Variants in ERC2 observed in about 807,000 individuals in gnomAD.
ERC2 encodes the protein ERC protein 2.
ERC2 carries 42 observed loss-of-function variants against 114.8 expected under a neutral mutation model. The ratio of observed to expected loss-of-function variants is 0.37; its 90% CI spans 0.29 to 0.47. The LOEUF (loss-of-function observed/expected upper bound fraction) is 0.47. Among genes scored for constraint, ERC2 ranks in the 20% least tolerant of loss-of-function variants. The pLI is 0.99. For missense variants in ERC2, 939 were observed against 1,150.7 expected, an observed-to-expected ratio of 0.82 and a Z score of 2.66; for synonymous variants, 454 against 425.5, an observed-to-expected ratio of 1.07 and a Z score of -0.82.
chr3:55,990,245 A>T (rs1454874589), intron 11 of ERC2, among the ~76,000 whole-genome samples: 2 of 152,232 alleles, frequency 1.3e-5, no homozygotes, highest in Non-Finnish European at 2.9e-5. Flanking sequence ...CTCAAAAAAA[A>T]ATGAAATCCT....
At chr3:55,589,823 G>C (rs1230983295) in intron 17 of ERC2, among the ~76,000 whole-genome samples, 1 of 152,038 alleles carries the variant, frequency 6.6e-6, no homozygotes, top group African/African-American at 2.4e-5. Flanking sequence ...CACCAGGAAG[G>C]CATTTGGAGC....
chr3:56,272,668 G>A (rs2053730551), intron 3 of ERC2, among the ~76,000 whole-genome samples: 1 of 152,220 alleles, frequency 6.6e-6, no homozygotes, highest in African/African-American at 2.4e-5. Context: ...TATTCAGGAG[G>A]CTGAGGCAGA....
intron 3 of ERC2, among the ~76,000 whole-genome samples, chr3:56,214,669 G>A (rs2049327768): frequency 6.6e-6 from 1 of 151,918 alleles, no homozygotes; most frequent in Non-Finnish European, 1.5e-5. Flanking sequence ...CTCGAGAAGA[G>A]CAACTCCAAG....
chr3:55,513,468 T>G (rs975890022), intron 17 of ERC2, among the ~76,000 whole-genome samples: 9 of 152,152 alleles, frequency 5.9e-5, no homozygotes, highest in African/African-American at 2.2e-4. Context: ...CCCTGTTTAT[T>G]CCTCAGTTTC....
intron 1 of ERC2, among the ~76,000 whole-genome samples, chr3:56,461,394 A>G (rs561486890): frequency 1.3e-4 from 20 of 152,198 alleles, no homozygotes; most frequent in Non-Finnish European, 2.6e-4. Context: ...AGCTGTGTTC[A>G]TTTAGTGACT....
At chr3:55,919,805 C>G (rs1198212856) in intron 13 of ERC2, among the ~76,000 whole-genome samples, 1 of 152,126 alleles carries the variant, frequency 6.6e-6, no homozygotes, top group African/African-American at 2.4e-5. Flanking sequence ...CAGCCAGTGG[C>G]TATCAGGGGA....
chr3:56,456,030 A>G (rs1293991917), intron 1 of ERC2, among the ~76,000 whole-genome samples: 1 of 152,232 alleles, frequency 6.6e-6, no homozygotes, highest in African/African-American at 2.4e-5. Context: ...TGTGGGGTCA[A>G]TTGTAAACAA....
At chr3:56,233,068 T>C (rs888094184) in intron 3 of ERC2, among the ~76,000 whole-genome samples, 31 of 152,242 alleles carry the variant, frequency 2.0e-4, no homozygotes, top group African/African-American at 7.5e-4. Context: ...TTAATGTCTG[T>C]CTCCATGGAA....
intron 17 of ERC2, among the ~76,000 whole-genome samples, chr3:55,662,886 G>A (rs971212010): frequency 4.6e-5 from 7 of 152,158 alleles, no homozygotes; most frequent in African/African-American, 7.2e-5. Flanking sequence ...CTACAGTAGA[G>A]CCAAGTCCTG....
At chr3:55,952,989 C>T (rs915087848) in intron 12 of ERC2, among the ~76,000 whole-genome samples, 1 of 151,934 alleles carries the variant, frequency 6.6e-6, no homozygotes, top group African/African-American at 2.4e-5. Context: ...GTCGGGAGAT[C>T]GAGACCATCC....
At chr3:56,024,963 G>A (rs1194044454) in intron 7 of ERC2, among the ~76,000 whole-genome samples, 1 of 152,236 alleles carries the variant, frequency 6.6e-6, no homozygotes, top group African/African-American at 2.4e-5. Context: ...CCATGGACCT[G>A]TCATCATGAG....
chr3:55,607,614 GTTTTTT>G (rs367596448), intron 17 of ERC2, among the ~76,000 whole-genome samples: 1 of 132,330 alleles, frequency 7.6e-6, no homozygotes, highest in Non-Finnish European at 1.6e-5. Context: ...AAAATAGTGT[GTTTTTT>G]TTTTTTTTTT....
intron 3 of ERC2, among the ~76,000 whole-genome samples, chr3:56,284,159 G>A (rs1203888473): frequency 6.6e-6 from 1 of 152,236 alleles, no homozygotes; most frequent in African/African-American, 2.4e-5. Context: ...GGTGAGTGGT[G>A]TAGGTGAACA....
chr3:55,587,329 T>C (rs2057654165), intron 17 of ERC2, among the ~76,000 whole-genome samples: 1 of 152,212 alleles, frequency 6.6e-6, no homozygotes. Context: ...AATTTTGTAT[T>C]TTTAGTGTCA....
At chr3:56,114,013 T>G (rs2079100887) in intron 6 of ERC2, among the ~76,000 whole-genome samples, 1 of 152,098 alleles carries the variant, frequency 6.6e-6, no homozygotes, top group African/African-American at 2.4e-5. Context: ...GGCTAAGAGG[T>G]GTATCCTCTG....
chr3:56,409,854 T>C (rs1048504644), intron 2 of ERC2, among the ~76,000 whole-genome samples: 1 of 152,236 alleles, frequency 6.6e-6, no homozygotes, highest in Non-Finnish European at 1.5e-5. Flanking sequence ...ACACGTACTC[T>C]GTGCTCTGTG....
In ERC2 at chr3:55,592,713, A is replaced by G. The variant is rs185255043; in HGVS notation, c.*40-81437T>C. Among the ~76,000 whole-genome samples, 4 of 152,316 alleles carry G rather than the reference A, an allele frequency of 2.6e-5. No individual in the cohort carries two copies. The East Asian group carries it at 7.7e-4, about 29-fold the overall frequency. ...CAGATTACTGAAGGGAAAGGAGCTC[A>G]TTTATCTAAAAGCCAAACCAAATAC... On this transcript the variant is annotated intron_variant, in intron 17 of 17. Coordinates refer to ENST00000288221, the MANE Select transcript of ERC2 (RefSeq NM_015576.3).
intron 13 of ERC2, among the ~76,000 whole-genome samples, chr3:55,932,990 C>T (rs1446190734): frequency 6.6e-6 from 1 of 152,188 alleles, no homozygotes; most frequent in Non-Finnish European, 1.5e-5. Flanking sequence ...GGGTGGATCA[C>T]TTGAGGTCAG....
intron 14 of ERC2, among the ~76,000 whole-genome samples, chr3:55,833,426 C>A (rs2060714202): frequency 1.3e-5 from 2 of 151,932 alleles, no homozygotes; most frequent in African/African-American, 2.4e-5. Context: ...AGAAACTCTA[C>A]AAGCCAGAAG....
Sources: allele counts gnomAD v4.1 joint callset (sites outside exome capture counted in the v4.1 genomes callset), GRCh38; gene constraint gnomAD v4.1.1; transcripts MANE v1.5; gene names NCBI Gene and HGNC (gene_info 2026-07-23, HGNC 2026-07-21).